The following ASTN1 variants were observed in gnomAD, a reference collection of about 807,000 sequenced individuals.
ASTN1 encodes the protein astrotactin-1.
Under a neutral mutation model 140.7 loss-of-function variants are expected in ASTN1, and 41 were observed. That is an observed-to-expected ratio of 0.29 (90% CI 0.23 to 0.38). The LOEUF (loss-of-function observed/expected upper bound fraction) is 0.38, where lower values mean the gene tolerates loss of function less well. Among genes scored for constraint, ASTN1 ranks in the 10% least tolerant of loss-of-function variants. The pLI, the probability that ASTN1 is intolerant of heterozygous loss-of-function variation, is 1.00. For synonymous variants in ASTN1, 640 were observed against 652.2 expected, an observed-to-expected ratio of 0.98 and a Z score of 0.29; for missense variants, 1,479 against 1,678.8, an observed-to-expected ratio of 0.88 and a Z score of 2.08.
At chr1:177,009,179 C>A (rs1180017951) in intron 8 of ASTN1, among the ~76,000 whole-genome samples, 1 of 152,166 alleles carries the variant, frequency 6.6e-6, no homozygotes, top group Non-Finnish European at 1.5e-5. Flanking sequence ...ACTTTGATGA[C>A]AGCTGAGAGG....
intron 1 of ASTN1, among the ~76,000 whole-genome samples, chr1:177,076,509 T>C (rs1678919597): frequency 6.6e-6 from 1 of 150,768 alleles, no homozygotes; most frequent in African/African-American, 2.4e-5. Flanking sequence ...GTTGCTTTTC[T>C]TTATCTTTTC....
chr1:177,055,412 A>T (rs1334892325), intron 2 of ASTN1, among the ~76,000 whole-genome samples: 1 of 152,242 alleles, frequency 6.6e-6, no homozygotes, highest in Non-Finnish European at 1.5e-5. Flanking sequence ...ATGGTCCCCA[A>T]ATGGACCCTG....
intron 2 of ASTN1, among the ~76,000 whole-genome samples, chr1:177,055,805 ATT>A: frequency 6.6e-6 from 1 of 152,204 alleles, no homozygotes; most frequent in Admixed American, 6.5e-5. Flanking sequence ...AATACTACAA[ATT>A]GACCATAAAG....
chr1:176,905,603 T>C (rs1448039275), intron 16 of ASTN1, among the ~76,000 whole-genome samples: 1 of 152,154 alleles, frequency 6.6e-6, no homozygotes, highest in Non-Finnish European at 1.5e-5. Flanking sequence ...TTTGCCTCAC[T>C]GAAATTTATG....
At chr1:176,924,717 T>C (rs1670881829) in intron 16 of ASTN1, among the ~76,000 whole-genome samples, 2 of 152,312 alleles carry the variant, frequency 1.3e-5, no homozygotes, top group South Asian at 4.1e-4. Flanking sequence ...TCTGGAGTAG[T>C]TGGGAATAGT....
rs543398085 is a variant in ASTN1, at chr1:176,883,005, G to A, written c.3227-11C>T. 1.9e-6 allele frequency: 3 copies of A among 1,613,990 alleles called. No individual in the cohort carries two copies. Among genetic ancestry groups the A allele is most frequent in the East Asian group, 2.2e-5 (1 of 44,868 alleles). On this transcript the variant is annotated splice_polypyrimidine_tract_variant and intron_variant, in intron 19 of 22. Coordinates refer to ENST00000361833, the MANE Select transcript of ASTN1 (RefSeq NM_004319.3). Reference sequence around the variant, plus strand: ...AGCTCAGCACTGTTTCTGCCCAGAGGAGAAGGAATGGAAAAAGCATGAGAA... The same window carrying A: ...AGCTCAGCACTGTTTCTGCCCAGAGAAGAAGGAATGGAAAAAGCATGAGAA...
At chr1:176,965,426 A>T (rs1672836183) in intron 8 of ASTN1, among the ~76,000 whole-genome samples, 189 bp from the exon 9 acceptor site, 1 of 152,212 alleles carries the variant, frequency 6.6e-6, no homozygotes, top group Non-Finnish European at 1.5e-5. Context: ...GAACACGATA[A>T]ATGTAAAAAT....
At chr1:177,031,004 A>G (rs761121644) in intron 3 of ASTN1, 52 bp from the exon 4 acceptor site, 45 of 1,562,258 alleles carry the variant, frequency 2.9e-5, no homozygotes, top group Non-Finnish European at 3.8e-5. Context: ...ACCAAAAGAA[A>G]GGGAGAAGAA....
Position 177,158,655 on chromosome 1 carries a change from CGTGTGTGT to C in ASTN1, c.283+5731_283+5738del, listed in dbSNP as rs34610563. On this transcript the variant is annotated intron_variant, in intron 1 of 22. Coordinates refer to ENST00000361833, the MANE Select transcript of ASTN1 (RefSeq NM_004319.3). ...TTCTAAGAAAAGAAAGAAAAAAGTA[CGTGTGTGT>C]GTGTGTGTGTGTGTGTGTGTGTGTG... 1.6e-3 allele frequency among the ~76,000 whole-genome samples: 226 copies of C among 142,708 alleles called. 1 individual carries two copies. The highest frequency in any genetic ancestry group is 4.8e-3 in the South Asian group (21 of 4,340). 93.6% of individuals were successfully genotyped at this position (142,708 alleles called of 152,430 possible).
At chr1:176,969,974 T>C (rs1673065569) in intron 8 of ASTN1, among the ~76,000 whole-genome samples, 1 of 152,238 alleles carries the variant, frequency 6.6e-6, no homozygotes, top group Admixed American at 6.5e-5. Flanking sequence ...GAGGAGCCCA[T>C]TGTAACGGAT....
intron 8 of ASTN1, among the ~76,000 whole-genome samples, chr1:177,004,875 T>C (rs569302890): frequency 6.6e-6 from 1 of 152,298 alleles, no homozygotes; most frequent in Non-Finnish European, 1.5e-5. Context: ...ATAAAAATTC[T>C]AGCAGAAAAC....
chr1:176,970,731 GGT>G (rs10642697), intron 8 of ASTN1, among the ~76,000 whole-genome samples: 1,894 of 147,216 alleles, frequency 0.013, 43 homozygotes, highest in African/African-American at 0.04. Flanking sequence ...TGTGGGTATG[GGT>G]GTGTGTGTGT....
intron 10 of ASTN1, 83 bp from the exon 11 acceptor site, chr1:176,957,911 C>A: frequency 6.9e-7 from 1 of 1,456,592 alleles, no homozygotes; most frequent in South Asian, 1.3e-5. Flanking sequence ...ATGCTCCTAT[C>A]TAGTCAACTG....
chr1:176,996,519 C>T (rs554579604), intron 8 of ASTN1, among the ~76,000 whole-genome samples: 1 of 152,144 alleles, frequency 6.6e-6, no homozygotes, highest in Admixed American at 6.5e-5. Flanking sequence ...AGTTTAATTG[C>T]TAAATTGGTT....
intron 12 of ASTN1, among the ~76,000 whole-genome samples, chr1:176,947,210 T>C (rs1671995905): frequency 6.6e-6 from 1 of 152,206 alleles, no homozygotes; most frequent in Non-Finnish European, 1.5e-5. Flanking sequence ...GGGAAAAAAG[T>C]AGCTGCTTCA....
At chr1:176,999,699 ATG>A (rs901153058) in intron 8 of ASTN1, among the ~76,000 whole-genome samples, 5 of 144,190 alleles carry the variant, frequency 3.5e-5, no homozygotes, top group African/African-American at 1.5e-4. Context: ...AAATACACAC[ATG>A]TCAGTATGGG....
At chr1:177,140,224 C>T (rs1032017993) in intron 1 of ASTN1, among the ~76,000 whole-genome samples, 4 of 152,180 alleles carry the variant, frequency 2.6e-5, no homozygotes, top group African/African-American at 9.7e-5. Context: ...CCGAAAATAG[C>T]TCTGCCAAGA....
chr1:177,110,043 A>G lies in ASTN1; in HGVS notation c.284-48778T>C, dbSNP rs531471053. On this transcript the variant is annotated intron_variant, in intron 1 of 22. Transcript: ENST00000361833. The stretch of plus-strand genomic sequence containing the variant: ...ACTCCTTATTTGTCCCCCTTTCTCC[A>G]TCCTTTCCCTACCTTATTTATCTAC... 8.5e-5 allele frequency among the ~76,000 whole-genome samples: 13 copies of G among 152,262 alleles called. No individual in the cohort carries two copies. In the South Asian group the frequency reaches 2.5e-3, roughly 29 times the overall value.
intron 1 of ASTN1, among the ~76,000 whole-genome samples, chr1:177,072,617 A>C (rs2102058129): frequency 6.6e-6 from 1 of 152,286 alleles, no homozygotes; most frequent in South Asian, 2.1e-4. Context: ...TTGACAGAAC[A>C]GTTTCTTTAT....
Sources: allele counts gnomAD v4.1 joint callset (sites outside exome capture counted in the v4.1 genomes callset), GRCh38; gene constraint gnomAD v4.1.1; transcripts MANE v1.5; gene names NCBI Gene and HGNC (gene_info 2026-07-23, HGNC 2026-07-21).